Variants in THADA observed in about 807,000 individuals in gnomAD.
The protein encoded by THADA is tRNA (32-2'-O)-methyltransferase regulator THADA.
THADA carries 213 observed loss-of-function variants against 219.8 expected under a neutral mutation model. The observed-to-expected ratio is 0.97, with a 90% CI of 0.87 to 1.09. THADA has a LOEUF of 1.09. Among genes scored for constraint, THADA ranks in the 50% least tolerant of loss-of-function variants. THADA has a pLI of 0.00. For missense variants in THADA, 2,956 were observed against 2,311.3 expected, an observed-to-expected ratio of 1.28 and a Z score of -5.72; for synonymous variants, 1,018 against 828.9, an observed-to-expected ratio of 1.23 and a Z score of -3.92.
chr2:43,425,935 T>G (rs761135227), intron 28 of THADA, among the ~76,000 whole-genome samples: 6 of 152,168 alleles, frequency 3.9e-5, no homozygotes, highest in African/African-American at 9.7e-5. Context: ...AATAACCTTG[T>G]ATTTTGGTTG....
chr2:43,518,120 C>T (rs1691959693), intron 22 of THADA, among the ~76,000 whole-genome samples: 1 of 152,158 alleles, frequency 6.6e-6, no homozygotes, highest in Non-Finnish European at 1.5e-5. Context: ...GTATCAAGGA[C>T]ACATTCCTTC....
rs946905474 is a variant in THADA at position 43,293,150 on chromosome 2, G to A, written c.4502C>T (p.Thr1501Met). The A allele has an allele frequency of 5.0e-6, 8 of 1,613,824 alleles. No individual in the cohort carries two copies. The highest frequency in any genetic ancestry group is 1.3e-5 in the African/African-American group (1 of 74,904). ...CACCTTGAAGGCCCAAGGGAATCCC[G>A]TTATCAGCTCTGATCCTGAGATAAT... is the stretch of plus-strand genomic sequence containing the variant. The part of the protein sequence containing the change: ...RGIISGSELI[T>M]GFPWAFKVPG... Residue 1501 changes from threonine to methionine, a missense_variant, in exon 32 of 38, where the codon ACG (threonine) becomes ATG (methionine). Thr to Met is a moderately conservative substitution (Grantham distance 81). Coordinates refer to ENST00000405975, the MANE Select transcript of THADA (RefSeq NM_022065.5).
rs1048191883 is a variant in THADA at position 43,551,567 on chromosome 2, G to A, written c.2947+222C>T. ...AAGTTACCCTGGGGTAGAAGGTACCGTGCTCATCCTCTGGTTTGGGAATTT... is the reference window on the plus strand; with the variant it reads ...AAGTTACCCTGGGGTAGAAGGTACCATGCTCATCCTCTGGTTTGGGAATTT... On this transcript the variant is annotated intron_variant, in intron 19 of 37. Transcript: ENST00000405975. 6.0e-5 allele frequency among the ~76,000 whole-genome samples: 9 copies of A among 149,156 alleles called. No individual in the cohort carries two copies. In the East Asian group the frequency reaches 1.4e-3, roughly 23 times the overall value.
intron 29 of THADA, among the ~76,000 whole-genome samples, chr2:43,385,606 C>CA (rs532857816): frequency 0.043 from 2,090 of 48,628 alleles, 71 homozygotes; most frequent in Non-Finnish European, 0.067. Context: ...GACTCCGTCT[C>CA]AAAAAAAAAA....
intron 26 of THADA, among the ~76,000 whole-genome samples, chr2:43,439,917 G>A (rs1035387395): frequency 1.3e-5 from 2 of 151,848 alleles, no homozygotes; most frequent in African/African-American, 4.8e-5. Flanking sequence ...AAAATCGAAA[G>A]TCTTTTAAAA....
chr2:43,508,891 G>A (rs1690035168), intron 22 of THADA, 111 bp from the exon 23 acceptor site: 4 of 1,077,362 alleles, frequency 3.7e-6, no homozygotes, highest in Middle Eastern at 2.7e-4. Flanking sequence ...TATATTGAGT[G>A]GGGGTGAAAC....
chr2:43,412,268 T>A (rs926398529), intron 28 of THADA, among the ~76,000 whole-genome samples: 1 of 152,170 alleles, frequency 6.6e-6, no homozygotes, highest in Non-Finnish European at 1.5e-5. Flanking sequence ...ATAATACTAC[T>A]AATAATAAAG....
chr2:43,512,524 C>T (rs946507919), intron 22 of THADA, among the ~76,000 whole-genome samples: 9 of 152,156 alleles, frequency 5.9e-5, no homozygotes, highest in East Asian at 1.9e-4. Flanking sequence ...GTTTTTGAGA[C>T]GAAATTTCAC....
At chr2:43,332,693 C>T (rs992550765) in intron 30 of THADA, among the ~76,000 whole-genome samples, 1 of 152,214 alleles carries the variant, frequency 6.6e-6, no homozygotes, top group Non-Finnish European at 1.5e-5. Flanking sequence ...AAAGCCTGCA[C>T]TCCCTTGCAA....
intron 31 of THADA, among the ~76,000 whole-genome samples, chr2:43,318,527 A>G (rs145801275): frequency 5.7e-4 from 87 of 152,298 alleles, no homozygotes; most frequent in African/African-American, 1.9e-3. Flanking sequence ...CACTAACAAA[A>G]CATCTCATTT....
At chr2:43,576,475 T>C (rs931261848) in intron 10 of THADA, among the ~76,000 whole-genome samples, 3 of 152,210 alleles carry the variant, frequency 2.0e-5, no homozygotes, top group African/African-American at 7.2e-5. Context: ...ACAAATTAGA[T>C]TTCTTATCCT....
Position 43,578,487 on chromosome 2 carries a change from C to A in THADA, c.816+26G>T. On this transcript the variant is annotated intron_variant, in intron 9 of 37. Transcript: ENST00000405975. ...ACATACCCTAACTCTCAATAAAGTACAATTCTAAAAAGGAGATGCACTTAC... is the reference window on the plus strand; with the variant it reads ...ACATACCCTAACTCTCAATAAAGTAAAATTCTAAAAAGGAGATGCACTTAC... 1.9e-6 allele frequency: 3 copies of A among 1,559,130 alleles called. No individual in the cohort carries two copies. The African/African-American group carries it at 4.1e-5, about 21-fold the overall frequency.
intron 20 of THADA, among the ~76,000 whole-genome samples, chr2:43,542,762 G>C (rs1315310246): frequency 6.6e-6 from 1 of 152,126 alleles, no homozygotes; most frequent in Admixed American, 6.5e-5. Flanking sequence ...TATATCACCT[G>C]GGCTGTCAAG....
At chr2:43,343,934 T>C in intron 30 of THADA, 188 bp downstream of exon 30, 1 of 492,666 alleles carries the variant, frequency 2.0e-6, no homozygotes, top group African/African-American at 1.9e-5. Flanking sequence ...TTAGCAGTTT[T>C]AGAAAAATTG....
At chr2:43,559,786 T>G (rs115689140) in intron 16 of THADA, among the ~76,000 whole-genome samples, 1 of 152,358 alleles carries the variant, frequency 6.6e-6, no homozygotes, top group Non-Finnish European at 1.5e-5. Context: ...CTATTGCTGG[T>G]TCAAAAACCA....
At chr2:43,547,659 G>A (rs565467762) in intron 20 of THADA, among the ~76,000 whole-genome samples, 10 of 151,902 alleles carry the variant, frequency 6.6e-5, no homozygotes, top group Non-Finnish European at 1.5e-4. Flanking sequence ...GGATTGCATC[G>A]GCTCCTGAGG....
At chr2:43,369,089 C>G (rs917382572) in intron 29 of THADA, among the ~76,000 whole-genome samples, 1 of 152,218 alleles carries the variant, frequency 6.6e-6, no homozygotes, top group African/African-American at 2.4e-5. Context: ...TATCTCTGCC[C>G]TCGTTTCCCA....
rs1486661683 is a variant in THADA at position 43,297,111 on chromosome 2, C to T, written c.4439-3898G>A. ...GAAGTGAGGAGCGCCTCTTCCCAGC[C>T]GCCATCACATCTAGGAAGTGAGGAG... is the stretch of plus-strand genomic sequence containing the variant. On this transcript the variant is annotated intron_variant, in intron 31 of 37. Coordinates refer to ENST00000405975, the MANE Select transcript of THADA (RefSeq NM_022065.5). 4.9e-4 allele frequency among the ~76,000 whole-genome samples: 47 copies of T among 96,040 alleles called. 1 individual carries two copies. The highest frequency in any genetic ancestry group is 8.1e-4 in the Non-Finnish European group (39 of 47,886). 63.0% of individuals were successfully genotyped at this position (96,040 alleles called of 152,430 possible).
rs984430148 is a variant in THADA at position 43,430,350 on chromosome 2, C to G, written c.3837-48G>C. ...TTTATTATCATTTATTCCCTTTGAT[C>G]TGACAATAAAGCCTTTTTTTTAAAA... On this transcript the variant is annotated intron_variant, in intron 26 of 37. Transcript: ENST00000405975. 7 of 1,102,554 alleles carry G rather than the reference C, an allele frequency of 6.3e-6. No homozygotes were observed. The African/African-American group carries it at 1.1e-4, about 18-fold the overall frequency. 68.3% of individuals were successfully genotyped at this position (1,102,554 alleles called of 1,614,324 possible).
Sources: allele counts gnomAD v4.1 joint callset (sites outside exome capture counted in the v4.1 genomes callset), GRCh38; gene constraint gnomAD v4.1.1; transcripts MANE v1.5; gene names NCBI Gene and HGNC (gene_info 2026-07-23, HGNC 2026-07-21).